VIPR1: variants seen among roughly 807,000 people sequenced by gnomAD.
The protein encoded by VIPR1 is vasoactive intestinal peptide receptor 1.
VIPR1 carries 59 observed loss-of-function variants against 58.8 expected under a neutral mutation model. The observed-to-expected ratio is 1.00, with a 90% CI of 0.81 to 1.25. The LOEUF (loss-of-function observed/expected upper bound fraction) is 1.25. Among genes scored for constraint, VIPR1 ranks in the 50% most tolerant of loss-of-function variants. VIPR1 has a pLI of 0.00. For synonymous variants in VIPR1, 251 were observed against 242.1 expected (o/e 1.04, Z -0.34); for missense variants, 626 against 602.7 (o/e 1.04, Z -0.40).
At chr3:42,495,101 A>G (rs182101675) in intron 1 of VIPR1, among the ~76,000 whole-genome samples, 1 of 151,494 alleles carries the variant, frequency 6.6e-6, no homozygotes, top group Admixed American at 6.6e-5. Context: ...ATATAATGTC[A>G]TATTTGCTGT....
chr3:42,535,209 G>A lies in VIPR1; in HGVS notation c.1140+105G>A, dbSNP rs1577262365. On this transcript the variant is annotated intron_variant, in intron 11 of 12. Coordinates refer to ENST00000325123, the MANE Select transcript of VIPR1 (RefSeq NM_004624.4). ...GATTCCAACCTTTTTACTGTAATAA[G>A]TATTAGATAAGCACCTACTTTGTGC... The A allele has an allele frequency of 6.2e-6, 10 of 1,600,028 alleles. No homozygotes were observed. The East Asian group carries it at 1.8e-4, about 29-fold the overall frequency.
chr3:42,519,786 C>T (rs1286700001), intron 3 of VIPR1, among the ~76,000 whole-genome samples: 2 of 152,190 alleles, frequency 1.3e-5, no homozygotes, highest in Non-Finnish European at 2.9e-5. Context: ...TAGGAGGTGG[C>T]TTTCTAGCTA....
intron 3 of VIPR1, among the ~76,000 whole-genome samples, chr3:42,523,659 G>A (rs1701077461): frequency 1.3e-5 from 2 of 151,062 alleles, no homozygotes; most frequent in Admixed American, 1.3e-4. Flanking sequence ...AAGCTGCTGT[G>A]TACATGCCAG....
chr3:42,534,787 G>T, intron 10 of VIPR1, 188 bp from the exon 11 acceptor site: 1 of 666,954 alleles, frequency 1.5e-6, no homozygotes, highest in Non-Finnish European at 2.4e-6. Context: ...GGGCAGAAGG[G>T]CAGAGGCACT....
chr3:42,522,625 G>A (rs1701010773), intron 3 of VIPR1, among the ~76,000 whole-genome samples: 1 of 152,108 alleles, frequency 6.6e-6, no homozygotes, highest in South Asian at 2.1e-4. Context: ...ACCACGGCAG[G>A]GAATCAGCAG....
chr3:42,522,828 C>T (rs920948053), intron 3 of VIPR1, among the ~76,000 whole-genome samples: 3 of 152,164 alleles, frequency 2.0e-5, no homozygotes, highest in Non-Finnish European at 4.4e-5. Context: ...CAATTCCTGG[C>T]TCCAGGCACT....
chr3:42,531,335 C>T, intron 7 of VIPR1, 136 bp from the exon 8 acceptor site: 2 of 915,930 alleles, frequency 2.2e-6, no homozygotes, highest in Non-Finnish European at 1.7e-6. Context: ...CCTATGCAAC[C>T]AAAGACAGCA....
rs1422612292 is a variant in VIPR1, at chr3:42,528,300, A to G, written c.636+177A>G. On this transcript the variant is annotated intron_variant, in intron 6 of 12. Coordinates refer to ENST00000325123, the MANE Select transcript of VIPR1 (RefSeq NM_004624.4). ...CCCCACCTGGCAGTACTCAAATCAC[A>G]CTCCCCTCCGGCAACAGGAGATGTT... 14 of 762,436 alleles carry G rather than the reference A, an allele frequency of 1.8e-5. No individual in the cohort carries two copies. In the Admixed American group the frequency reaches 4.9e-4, roughly 27 times the overall value. 47.2% of individuals were successfully genotyped at this position (762,436 alleles called of 1,614,324 possible). A position where few individuals can be genotyped will look rare whatever the true frequency, so the allele number is the denominator to read the frequency against.
At chr3:42,506,221 T>C (rs1156773938) in intron 1 of VIPR1, among the ~76,000 whole-genome samples, 1 of 152,150 alleles carries the variant, frequency 6.6e-6, no homozygotes, top group Admixed American at 6.5e-5. Flanking sequence ...TCAGAGCAGA[T>C]GGGCCTTCAC....
chr3:42,523,395 A>T (rs573460331), intron 3 of VIPR1, among the ~76,000 whole-genome samples: 2 of 152,106 alleles, frequency 1.3e-5, no homozygotes, highest in South Asian at 4.2e-4. Flanking sequence ...CAGAAAACAG[A>T]GTATCCCTTT....
In VIPR1 at chr3:42,527,483, C is replaced by A. The variant is rs1426560959; in HGVS notation, c.490C>A (p.Leu164Met). 6.2e-7 allele frequency: 1 copy of A among 1,613,816 alleles called. No homozygotes were observed. Among genetic ancestry groups the A allele is most frequent in the Non-Finnish European group, 8.5e-7 (1 of 1,179,954 alleles). ...LATLLVATAI[L>M]SLFRKLHCTR... ...CACCCTTCTGGTCGCCACAGCTATC[C>A]TGAGCCTGTTCAGGTGAGGCCCAGC... Residue 164 changes from leucine (L) to methionine (M), a missense_variant, in exon 5 of 13, where the codon CTG (leucine) becomes ATG (methionine). By Grantham distance (15) the Leu-to-Met change is conservative (BLOSUM62 2). Transcript: ENST00000325123.
At chr3:42,519,855 A>G (rs1305793700) in intron 3 of VIPR1, among the ~76,000 whole-genome samples, 1 of 152,226 alleles carries the variant, frequency 6.6e-6, no homozygotes, top group East Asian at 1.9e-4. Flanking sequence ...CAGTGAATGA[A>G]GCACTTACCA....
At chr3:42,512,807 C>T in intron 1 of VIPR1, 1 of 985,468 alleles carries the variant, frequency 1.0e-6, no homozygotes, top group Non-Finnish European at 1.2e-6. Context: ...TTTTCTAAAG[C>T]CAAAGACGCA....
chr3:42,514,339 C>A (rs975351613), intron 2 of VIPR1, among the ~76,000 whole-genome samples: 3 of 152,090 alleles, frequency 2.0e-5, no homozygotes, highest in African/African-American at 7.2e-5. Context: ...GAGGCACATT[C>A]AGTCACAATA....
chr3:42,528,264 C>A, intron 6 of VIPR1, 141 bp downstream of exon 6: 1 of 1,140,064 alleles, frequency 8.8e-7, no homozygotes, highest in Non-Finnish European at 1.2e-6. Flanking sequence ...GATAGCCTAA[C>A]CCCCACCCAA....
intron 1 of VIPR1, among the ~76,000 whole-genome samples, chr3:42,490,384 G>A (rs995756453): frequency 4.6e-5 from 7 of 152,206 alleles, no homozygotes; most frequent in Non-Finnish European, 1.0e-4. Flanking sequence ...GGCAAGAATA[G>A]GCCTAGGGGC....
chr3:42,516,794 C>T (rs990927737), intron 2 of VIPR1: 1 of 152,230 alleles, frequency 6.6e-6, no homozygotes, highest in East Asian at 1.9e-4. Flanking sequence ...GCAACATGAC[C>T]TTGAGCTGGT....
chr3:42,516,010 T>A (rs1033200493), intron 2 of VIPR1, among the ~76,000 whole-genome samples: 2 of 152,216 alleles, frequency 1.3e-5, no homozygotes, highest in East Asian at 3.8e-4. Flanking sequence ...TTCAGGTAAG[T>A]GTACATGTGT....
chr3:42,523,588 C>T (rs561257697), intron 3 of VIPR1, among the ~76,000 whole-genome samples: 1 of 146,108 alleles, frequency 6.8e-6, no homozygotes, highest in South Asian at 2.2e-4. Context: ...AATGTTTACC[C>T]TAACACCTCC....
Sources: gnomAD v4.1 joint callset for allele counts (sites outside exome capture counted in the v4.1 genomes callset) on GRCh38, gnomAD v4.1.1 for gene constraint, MANE v1.5 for transcripts, NCBI Gene and HGNC (gene_info 2026-07-23, HGNC 2026-07-21) for gene names.